Variants in NSUN6 observed in about 807,000 individuals in gnomAD.
The protein encoded by NSUN6 is tRNA (cytosine(72)-C(5))-methyltransferase NSUN6.
Under a neutral mutation model 58.0 loss-of-function variants are expected in NSUN6, and 64 were observed. That is an observed-to-expected ratio of 1.10 (90% confidence interval 0.90 to 1.36). NSUN6 has a LOEUF of 1.36. Among genes scored for constraint, NSUN6 ranks in the 40% most tolerant of loss-of-function variants. The pLI is 0.00. For missense variants in NSUN6, 701 were observed against 550.1 expected (o/e 1.27, Z -2.74); for synonymous variants, 231 against 193.9 (o/e 1.19, Z -1.59).
intron 7 of NSUN6, among the ~76,000 whole-genome samples, chr10:18,586,879 A>G (rs551144685): frequency 6.6e-6 from 1 of 152,208 alleles, no homozygotes; most frequent in East Asian, 1.9e-4. Flanking sequence ...TCCATTTTAC[A>G]CAGTGCTGAT....
At chr10:18,591,313 AGCTGGC>A (rs2057369467) in intron 7 of NSUN6, among the ~76,000 whole-genome samples, 1 of 152,214 alleles carries the variant, frequency 6.6e-6, no homozygotes, top group Non-Finnish European at 1.5e-5. Flanking sequence ...TACAAAGAGG[AGCTGGC>A]ACCATTCCTT....
At chr10:18,652,809 C>T (rs1227951238), upstream of NSUN6, 1 of 695,028 alleles carries the variant, frequency 1.4e-6, no homozygotes, top group Admixed American at 6.3e-5. Context: ...ATCTGACTCT[C>T]TAGCCTCCCA....
intron 3 of NSUN6, among the ~76,000 whole-genome samples, chr10:18,638,404 TG>T (rs2059286438): frequency 6.6e-6 from 1 of 152,126 alleles, no homozygotes. Flanking sequence ...ATCGTGCCAC[TG>T]CACTCCAGCC....
At chr10:18,602,773 G>C (rs1798907235) in intron 6 of NSUN6, among the ~76,000 whole-genome samples, 1 of 152,130 alleles carries the variant, frequency 6.6e-6, no homozygotes, top group African/African-American at 2.4e-5. Context: ...GGTCTTTTCA[G>C]AGTCTGAGTG....
chr10:18,576,787 T>C (rs1473402628), intron 8 of NSUN6, among the ~76,000 whole-genome samples: 2 of 152,182 alleles, frequency 1.3e-5, no homozygotes, highest in Non-Finnish European at 2.9e-5. Context: ...TGTGGTGGTA[T>C]TGTGGTAGAC....
At chr10:18,553,626 G>A (rs1331353579) in intron 8 of NSUN6, among the ~76,000 whole-genome samples, 8 of 151,170 alleles carry the variant, frequency 5.3e-5, no homozygotes, top group African/African-American at 1.7e-4. Context: ...GGAGTGGAAC[G>A]GAATGGAAGG....
intron 6 of NSUN6, among the ~76,000 whole-genome samples, chr10:18,600,299 T>A (rs993516220): frequency 6.6e-6 from 1 of 152,168 alleles, no homozygotes; most frequent in Admixed American, 6.5e-5. Flanking sequence ...TATGTCCTCC[T>A]GTCCTGTACA....
upstream of NSUN6, chr10:18,658,690 C>G (rs1001380935): frequency 1.6e-5 from 16 of 980,436 alleles, no homozygotes; most frequent in Non-Finnish European, 1.8e-5. Flanking sequence ...GTCTCCCAAT[C>G]AATTCTTTTC....
chr10:18,621,684 C>T (rs1043292483), intron 3 of NSUN6, among the ~76,000 whole-genome samples: 5 of 152,008 alleles, frequency 3.3e-5, no homozygotes, highest in African/African-American at 1.2e-4. Flanking sequence ...GAGAAAAAAA[C>T]TATAAATACA....
chr10:18,562,752 CTGGAATGGACAAT>C, intron 8 of NSUN6, among the ~76,000 whole-genome samples: 1 of 105,160 alleles, frequency 9.5e-6, no homozygotes, highest in African/African-American at 4.2e-5. Flanking sequence ...GGAGAATGAA[CTGGAATGGACAAT>C]GGAATGGAAT....
chr10:18,601,800 G>T (rs535036702), intron 6 of NSUN6, among the ~76,000 whole-genome samples: 10 of 151,862 alleles, frequency 6.6e-5, no homozygotes, highest in African/African-American at 2.4e-4. Context: ...GGCCAACATG[G>T]TCCCCATCTC....
At chr10:18,610,068 C>T in intron 5 of NSUN6, 142 bp from the exon 6 acceptor site, 2 of 619,364 alleles carry the variant, frequency 3.2e-6, no homozygotes, top group East Asian at 2.9e-5. Context: ...GCCTGTAATC[C>T]CAGCACTTTG....
intron 1 of NSUN6, among the ~76,000 whole-genome samples, chr10:18,650,225 C>T (rs1478683833): frequency 1.3e-5 from 2 of 150,448 alleles, no homozygotes; most frequent in Non-Finnish European, 3.0e-5. Context: ...CCTAAAACAA[C>T]CTGGTAAAAT....
rs2058404559 is a variant in NSUN6, at chr10:18,616,218, A to G, written c.387T>C (p.His129=). Residue 129 remains histidine, a synonymous_variant, in exon 4 of 11, where the codon CAT becomes CAC. Transcript: ENST00000377304. ...CTGACACAATTCCTGGGGCATAGACATGGGCTCCTCTTAAAACTGCATTGC... is the reference window on the plus strand; with the variant it reads ...CTGACACAATTCCTGGGGCATAGACGTGGGCTCCTCTTAAAACTGCATTGC... The part of the protein sequence containing the change: ...QCGNAVLRGA[H]VYAPGIVSAS... 6.2e-7 allele frequency: 1 copy of G among 1,603,742 alleles called. No individual in the cohort carries two copies. The highest frequency in any genetic ancestry group is 8.5e-7 in the Non-Finnish European group (1 of 1,170,700).
chr10:18,600,942 A>AAAAAAATATATT (rs34335327), intron 6 of NSUN6, among the ~76,000 whole-genome samples: 1 of 42,800 alleles, frequency 2.3e-5, no homozygotes, highest in African/African-American at 1.1e-4. Context: ...AAAAAAAAAA[A>AAAAAAATATATT]TATATATATA....
In NSUN6 at chr10:18,622,550, C is replaced by A. The variant is rs1219063048; in HGVS notation, c.312-6257G>T. On this transcript the variant is annotated intron_variant, in intron 3 of 10. Coordinates refer to ENST00000377304, the MANE Select transcript of NSUN6 (RefSeq NM_182543.5). Reference sequence around the variant, plus strand: ...CCAACATGGTGAAACCCTGTCTCTACTAAAAATACAAAAATTAGCTCAGCG... The same window carrying A: ...CCAACATGGTGAAACCCTGTCTCTAATAAAAATACAAAAATTAGCTCAGCG... 1.4e-4 allele frequency among the ~76,000 whole-genome samples: 22 copies of A among 152,156 alleles called. 1 individual carries two copies. The highest frequency in any genetic ancestry group is 1.4e-3 in the Admixed American group (22 of 15,276).
At chr10:18,581,553 G>A (rs12775419) in intron 8 of NSUN6, among the ~76,000 whole-genome samples, 30,177 of 152,092 alleles carry the variant, frequency 0.2, 3,356 homozygotes, top group South Asian at 0.31. Context: ...CAAGCCAGCC[G>A]TGGTGGCTCA....
intron 3 of NSUN6, among the ~76,000 whole-genome samples, chr10:18,632,468 A>C (rs1216921142): frequency 2.0e-5 from 3 of 148,188 alleles, no homozygotes; most frequent in Non-Finnish European, 3.0e-5. Context: ...GTGAACAGGC[A>C]ACCTACAAAA....
chr10:18,657,979 C>A (rs1252908566), upstream of NSUN6, among the ~76,000 whole-genome samples: 115 of 68,078 alleles, frequency 1.7e-3, no homozygotes, highest in Non-Finnish European at 3.0e-3. Context: ...AATCCGAAAG[C>A]CAGAAAAAAA....
Sources: allele counts gnomAD v4.1 joint callset (sites outside exome capture counted in the v4.1 genomes callset), GRCh38; gene constraint gnomAD v4.1.1; transcripts MANE v1.5; gene names NCBI Gene and HGNC (gene_info 2026-07-23, HGNC 2026-07-21).